Variants in TEX11 observed in about 807,000 individuals in gnomAD.
The protein encoded by TEX11 is testis-expressed protein 11.
A neutral mutation model predicts 84.4 loss-of-function variants in TEX11; 7 were observed. The ratio of observed to expected loss-of-function variants is 0.08; its 90% CI spans 0.05 to 0.16. The LOEUF is 0.16. Among genes scored for constraint, TEX11 ranks in the 10% least tolerant of loss-of-function variants. The pLI is 1.00. For missense variants in TEX11, 551 were observed against 660.5 expected (o/e 0.83, Z 1.82); for synonymous variants, 264 against 222.8 (o/e 1.18, Z -1.64).
chrX:70,874,874 G>A (rs1335132892), intron 3 of TEX11, among the ~76,000 whole-genome samples: 1 of 110,567 alleles, frequency 9.0e-6, no homozygotes, highest in Admixed American at 9.6e-5. Context: ...AAGCAATTTG[G>A]CAACATATAA....
At chrX:70,906,444 A>C (rs2091834394) in intron 2 of TEX11, among the ~76,000 whole-genome samples, 1 of 110,161 alleles carries the variant, frequency 9.1e-6, no homozygotes, top group Non-Finnish European at 1.9e-5. Context: ...TTTTATCCTA[A>C]TTTAAAACTT....
intron 2 of TEX11, among the ~76,000 whole-genome samples, chrX:70,906,100 T>A (rs1370608636): frequency 2.2e-4 from 2 of 9,212 alleles, no homozygotes; most frequent in African/African-American, 6.0e-4. Context: ...AATATATATA[T>A]ATATATATAT....
intron 8 of TEX11, among the ~76,000 whole-genome samples, chrX:70,825,906 A>C (rs2091342997): frequency 9.0e-6 from 1 of 111,423 alleles, no homozygotes; most frequent in African/African-American, 3.3e-5. Flanking sequence ...TGAACCCGGG[A>C]GACAGAGGTT....
intron 8 of TEX11, among the ~76,000 whole-genome samples, chrX:70,827,857 C>T (rs1389238292): frequency 2.7e-5 from 3 of 112,050 alleles, no homozygotes; most frequent in African/African-American, 9.7e-5. Flanking sequence ...CAGTGCTGTG[C>T]TGGCTTCAAG....
intron 7 of TEX11, among the ~76,000 whole-genome samples, chrX:70,847,521 T>A: frequency 9.0e-6 from 1 of 111,448 alleles, no homozygotes. Flanking sequence ...TCCTTCTTTT[T>A]CGTTTGCTCT....
intron 15 of TEX11, among the ~76,000 whole-genome samples, chrX:70,673,882 G>T (rs187253976): frequency 2.7e-5 from 3 of 111,868 alleles, no homozygotes; most frequent in African/African-American, 9.7e-5. Context: ...CTCTCAGGTT[G>T]TTTTGGCTAT....
intron 14 of TEX11, among the ~76,000 whole-genome samples, chrX:70,681,685 G>T (rs2147657404): frequency 1.8e-5 from 2 of 110,738 alleles, no homozygotes; most frequent in East Asian, 2.8e-4. Context: ...TCCTCCCTAT[G>T]GTCAGGCTAT....
chrX:70,789,419 C>A (rs1569442077), intron 9 of TEX11, among the ~76,000 whole-genome samples: 1 of 111,421 alleles, frequency 9.0e-6, no homozygotes, highest in Non-Finnish European at 1.9e-5. Context: ...TGGCAAAACC[C>A]TGTCTCTACT....
At chrX:70,655,256 C>A (rs73220875) in intron 16 of TEX11, among the ~76,000 whole-genome samples, 12,598 of 110,523 alleles carry the variant, frequency 0.11, 609 homozygotes, top group Middle Eastern at 0.18. Context: ...AATGAACAAA[C>A]TTAATCTAAA....
At chrX:70,718,537 T>A (rs889507184) in intron 13 of TEX11, among the ~76,000 whole-genome samples, 3 of 112,250 alleles carry the variant, frequency 2.7e-5, no homozygotes, top group African/African-American at 9.7e-5. Context: ...ATATGGATTA[T>A]CATATTCACC....
intron 2 of TEX11, among the ~76,000 whole-genome samples, chrX:70,901,149 C>T (rs1602224429): frequency 9.0e-6 from 1 of 110,809 alleles, no homozygotes; most frequent in East Asian, 2.8e-4. Context: ...GAGGATAGCG[C>T]CACTGCACTA....
chrX:70,764,362 T>C (rs777120041), intron 9 of TEX11, among the ~76,000 whole-genome samples: 1 of 111,536 alleles, frequency 9.0e-6, no homozygotes, highest in African/African-American at 3.2e-5. Flanking sequence ...TATAACTCCC[T>C]ACATCAAAAA....
At chrX:70,558,590 G>A (rs750776737) in intron 25 of TEX11, among the ~76,000 whole-genome samples, 10 of 111,892 alleles carry the variant, frequency 8.9e-5, no homozygotes, top group South Asian at 3.8e-4. Context: ...CAAAGTTAAC[G>A]AATTTTGTAT....
At chrX:70,542,857 T>C (rs887697030) in intron 28 of TEX11, among the ~76,000 whole-genome samples, 1 of 112,400 alleles carries the variant, frequency 8.9e-6, no homozygotes, top group African/African-American at 3.2e-5. Context: ...AAGCAACATA[T>C]ATAATATAAA....
intron 9 of TEX11, among the ~76,000 whole-genome samples, chrX:70,801,102 C>A (rs1356488484): frequency 9.0e-6 from 1 of 111,231 alleles, no homozygotes; most frequent in Non-Finnish European, 1.9e-5. Flanking sequence ...TCAAGTTTAG[C>A]CTCACTAGTC....
chrX:70,595,089 C>A (rs2088986991), intron 24 of TEX11, among the ~76,000 whole-genome samples: 1 of 111,277 alleles, frequency 9.0e-6, no homozygotes, highest in Non-Finnish European at 1.9e-5. Flanking sequence ...CTCTAAGTTT[C>A]TTTATTTTTG....
chrX:70,511,490 T>C, the TEX11 span, among the ~76,000 whole-genome samples: 106 of 110,550 alleles, frequency 9.6e-4, no homozygotes, highest in African/African-American at 2.6e-3. Flanking sequence ...CACAGTGGCT[T>C]ATGCCTGTAA....
chrX:70,653,959 A>G (rs1456142565), intron 16 of TEX11, among the ~76,000 whole-genome samples: 1 of 112,191 alleles, frequency 8.9e-6, no homozygotes, highest in Non-Finnish European at 1.9e-5. Flanking sequence ...GCACGATTCC[A>G]ATTATGTGAC....
At chrX:70,752,331 C>G (rs1437930665) in intron 9 of TEX11, among the ~76,000 whole-genome samples, 1 of 109,269 alleles carries the variant, frequency 9.2e-6, no homozygotes, top group African/African-American at 3.3e-5. Flanking sequence ...TGGAGACCAG[C>G]TTGGCCAGCA....
Sources: gnomAD v4.1 joint callset for allele counts (sites outside exome capture counted in the v4.1 genomes callset) on GRCh38, gnomAD v4.1.1 for gene constraint, MANE v1.5 for transcripts, NCBI Gene and HGNC (gene_info 2026-07-23, HGNC 2026-07-21) for gene names.